FAM118A: variants seen among roughly 807,000 people sequenced by gnomAD.
FAM118A encodes protein FAM118A.
Under a neutral mutation model 38.2 loss-of-function variants are expected in FAM118A, and 25 were observed. The ratio of observed to expected loss-of-function variants is 0.65; its 90% CI spans 0.48 to 0.91. The LOEUF is 0.91. FAM118A is among the 40% of genes least tolerant of loss of function. The pLI, the probability that FAM118A is intolerant of heterozygous loss-of-function variation, is 0.00. For synonymous variants in FAM118A, 178 were observed against 184.1 expected (o/e 0.97, Z 0.27); for missense variants, 425 against 463.3 (o/e 0.92, Z 0.76).
At chr22:45,339,256 T>G (rs190883768) in intron 8 of FAM118A, among the ~76,000 whole-genome samples, 1 of 151,940 alleles carries the variant, frequency 6.6e-6, no homozygotes, top group South Asian at 2.1e-4. Flanking sequence ...ATTAACTGGG[T>G]GTGGTGGCGG....
chr22:45,311,442 G>A (rs1463755721), intron 1 of FAM118A, among the ~76,000 whole-genome samples: 2 of 152,226 alleles, frequency 1.3e-5, no homozygotes, highest in African/African-American at 2.4e-5. Context: ...TGAGCTGAAG[G>A]AAGGTGGGAG....
At chr22:45,334,464 A>G (rs1175637359) in intron 6 of FAM118A, among the ~76,000 whole-genome samples, 1 of 152,188 alleles carries the variant, frequency 6.6e-6, no homozygotes, top group Non-Finnish European at 1.5e-5. Context: ...CAGAATTGCT[A>G]ATAATTAGCA....
intron 1 of FAM118A, chr22:45,321,965 C>T (rs779803026): frequency 3.5e-5 from 11 of 312,268 alleles, no homozygotes; most frequent in African/African-American, 8.8e-5. Flanking sequence ...CCTCTGGCTT[C>T]GCTTTGTTGT....
rs1297583709 is a variant in FAM118A, at chr22:45,336,393, C to T, written c.1036C>T (p.Arg346Cys). Residue 346 changes from arginine to cysteine, a missense_variant, in exon 8 of 9, where the codon CGC (arginine) becomes TGC (cysteine). Transcript: ENST00000441876. ...GAATGGAATTGAAGTTTCAAAAAAA[C>T]GCACACAATCAGATACTGGTATTGT... is the stretch of plus-strand genomic sequence containing the variant. ...EENGIEVSKK[R>C]TQSDTDDAGG... The T allele has an allele frequency of 7.4e-6, 12 of 1,613,602 alleles. No homozygotes were observed. The highest frequency in any genetic ancestry group is 1.6e-4 in the Middle Eastern group (1 of 6,084).
intron 2 of FAM118A, 73 bp from the exon 3 acceptor site, chr22:45,323,102 G>A (rs1281538102): frequency 6.6e-7 from 1 of 1,519,432 alleles, no homozygotes; most frequent in Non-Finnish European, 9.0e-7. Context: ...GGAACTCGCA[G>A]ACAGTTCCAG....
Position 45,340,603 on chromosome 22 carries a change from A to T in FAM118A, c.*198A>T. 1 of 628,242 alleles carries T rather than the reference A, an allele frequency of 1.6e-6. No individual in the cohort carries two copies. 38.9% of individuals were successfully genotyped at this position (628,242 alleles called of 1,614,324 possible). A position where few individuals can be genotyped will look rare whatever the true frequency, so the allele number is the denominator to read the frequency against. ...GTGTGTTGAACTATGCAGGAGGGTG[A>T]CGCGGACACATTTCAGGTGGACTTT... is the stretch of plus-strand genomic sequence containing the variant. On this transcript the variant is annotated 3_prime_UTR_variant, in exon 9 of 9. Coordinates refer to ENST00000441876, the MANE Select transcript of FAM118A (RefSeq NM_017911.4).
rs748803005 is a variant in FAM118A, at chr22:45,336,320, T to A, written c.971-8T>A. 11 of 1,609,206 alleles carry A rather than the reference T, an allele frequency of 6.8e-6. No individual in the cohort carries two copies. The highest frequency in any genetic ancestry group is 2.7e-5 in the African/African-American group (2 of 74,706). On this transcript the variant is annotated splice_polypyrimidine_tract_variant and splice_region_variant and intron_variant, in intron 7 of 8. Coordinates refer to ENST00000441876, the MANE Select transcript of FAM118A (RefSeq NM_017911.4). Reference sequence around the variant, plus strand: ...AAACAAGCTTCTTAATAAATTCTTCTCTTTTAGGTAATGCATGCCAGGACT... The same window carrying A: ...AAACAAGCTTCTTAATAAATTCTTCACTTTTAGGTAATGCATGCCAGGACT...
intron 1 of FAM118A, among the ~76,000 whole-genome samples, chr22:45,312,115 A>G (rs912440605): frequency 6.6e-6 from 1 of 152,274 alleles, no homozygotes; most frequent in African/African-American, 2.4e-5. Flanking sequence ...ACTCAACGAC[A>G]ATCAACAGAG....
chr22:45,323,600 G>A (rs2085042322), intron 3 of FAM118A, among the ~76,000 whole-genome samples, 173 bp downstream of exon 3: 1 of 152,176 alleles, frequency 6.6e-6, no homozygotes, highest in Non-Finnish European at 1.5e-5. Context: ...TTAAAATTGA[G>A]GGGATGCCAG....
At chr22:45,323,147 A>G in intron 2 of FAM118A, 28 bp from the exon 3 acceptor site, 1 of 1,600,754 alleles carries the variant, frequency 6.2e-7, no homozygotes, top group Non-Finnish European at 8.5e-7. Flanking sequence ...TTTGACTTTC[A>G]TTCTCTTGCT....
chr22:45,332,402 A>T, intron 5 of FAM118A, 23 bp from the exon 6 acceptor site: 2 of 1,596,830 alleles, frequency 1.3e-6, no homozygotes, highest in Non-Finnish European at 1.7e-6. Flanking sequence ...TGAGCACTCA[A>T]TTTCTTCATT....
chr22:45,333,185 A>G (rs1002179834), intron 6 of FAM118A, among the ~76,000 whole-genome samples: 2 of 152,164 alleles, frequency 1.3e-5, no homozygotes, highest in African/African-American at 2.4e-5. Context: ...TAAAATTAGA[A>G]GATTGGAGTA....
upstream of FAM118A, chr22:45,309,755 C>A (rs563455714): frequency 2.0e-5 from 3 of 151,640 alleles, no homozygotes; most frequent in Non-Finnish European, 4.4e-5. Context: ...GTGGCCTCCC[C>A]GGTGGGCGGG....
At position 45,330,736 on chromosome 22, in the gene FAM118A, G is replaced by A. The variant is rs1451729384; in HGVS notation, c.651+5G>A. The A allele has an allele frequency of 1.9e-6, 3 of 1,552,392 alleles. No individual in the cohort carries two copies. The highest frequency in any genetic ancestry group is 2.3e-5 in the East Asian group (1 of 43,096). The stretch of plus-strand genomic sequence containing the variant: ...ACTCAAGACGCAGAAGTCATGGTAC[G>A]GCCCGTCCTAATTAGCATCGGTGCG... On this transcript the variant is annotated splice_donor_5th_base_variant and intron_variant, in intron 5 of 8. Transcript: ENST00000441876.
chr22:45,337,598 A>T (rs550128874), intron 8 of FAM118A, among the ~76,000 whole-genome samples: 6 of 151,754 alleles, frequency 4.0e-5, no homozygotes, highest in African/African-American at 9.7e-5. Flanking sequence ...TGAATAAGAA[A>T]TTTTTTTTTA....
intron 4 of FAM118A, chr22:45,328,784 CAAAAGAAAAAAA>C (rs994604874): frequency 7.7e-6 from 2 of 261,098 alleles, no homozygotes; most frequent in African/African-American, 4.5e-5. Context: ...TCTCAAAAAA[CAAAAGAAAAAAA>C]AAAAGAAATA....
chr22:45,328,423 T>C lies in FAM118A; in HGVS notation c.522+360T>C, dbSNP rs1457632831. The C allele has an allele frequency of 4.8e-6, 5 of 1,044,722 alleles. No individual in the cohort carries two copies. The African/African-American group carries it at 7.0e-5, about 15-fold the overall frequency. The allele number at this position is 1,044,722 out of a possible 1,614,324, so 64.7% of individuals were successfully genotyped here. A position where few individuals can be genotyped will look rare whatever the true frequency, so the allele number is the denominator to read the frequency against. On this transcript the variant is annotated intron_variant, in intron 4 of 8. Coordinates refer to ENST00000441876, the MANE Select transcript of FAM118A (RefSeq NM_017911.4). The stretch of plus-strand genomic sequence containing the variant: ...GCTGGGGCTGCGGGCAGCCTGCAGG[T>C]GTGGGGAGTTCTGTGCCCTGGGAGC...
intron 1 of FAM118A, among the ~76,000 whole-genome samples, chr22:45,314,385 T>A (rs75686226): frequency 0.012 from 1,789 of 152,334 alleles, 39 homozygotes; most frequent in African/African-American, 0.041. Context: ...TTATTTGTAA[T>A]GATTTGGTGG....
intron 8 of FAM118A, among the ~76,000 whole-genome samples, chr22:45,339,453 C>T (rs561983940): frequency 2.0e-5 from 3 of 150,318 alleles, no homozygotes; most frequent in African/African-American, 4.9e-5. Context: ...CACTTGGGGG[C>T]ACACATGTTT....
Sources: gnomAD v4.1 joint callset for allele counts (sites outside exome capture counted in the v4.1 genomes callset) on GRCh38, gnomAD v4.1.1 for gene constraint, MANE v1.5 for transcripts, NCBI Gene and HGNC (gene_info 2026-07-23, HGNC 2026-07-21) for gene names.